The following ARHGEF18 variants were observed in gnomAD, a reference collection of about 807,000 sequenced individuals.
ARHGEF18 encodes the protein rho guanine nucleotide exchange factor 18.
Under a neutral mutation model 155.7 loss-of-function variants are expected in ARHGEF18, and 93 were observed. The ratio of observed to expected loss-of-function variants is 0.60; its 90% confidence interval spans 0.50 to 0.71. The LOEUF is 0.71. Ranked by LOEUF, ARHGEF18 falls within the 30% of genes least tolerant of loss-of-function variation. The pLI, the probability that ARHGEF18 is intolerant of heterozygous loss-of-function variation, is 0.00. For missense variants in ARHGEF18, 1,593 were observed against 1,816.1 expected (o/e 0.88, Z 2.23); for synonymous variants, 742 against 753.1 (o/e 0.99, Z 0.24).
At chr19:7,362,170 A>AAGG (rs1491352636) in intron 1 of ARHGEF18, among the ~76,000 whole-genome samples, 2 of 36,588 alleles carry the variant, frequency 5.5e-5, no homozygotes, top group East Asian at 1.2e-3. Context: ...GAAGAAGGAG[A>AAGG]AGAAGGAGAA....
intron 10 of ARHGEF18, among the ~76,000 whole-genome samples, chr19:7,394,012 C>T (rs942479474): frequency 3.6e-5 from 4 of 110,432 alleles, no homozygotes; most frequent in African/African-American, 2.6e-4. Flanking sequence ...GTCTATGCTG[C>T]CTCTTTTTTT....
intron 7 of ARHGEF18, 81 bp from the exon 8 acceptor site, chr19:7,380,836 T>C: frequency 1.3e-5 from 12 of 897,310 alleles, no homozygotes; most frequent in Non-Finnish European, 1.6e-5. Flanking sequence ...ACCTGGTGTA[T>C]GCCTGTACTC....
chr19:7,458,712 C>G (rs369442224), intron 19 of ARHGEF18, 22 bp downstream of exon 19: 418 of 1,595,440 alleles, frequency 2.6e-4, no homozygotes, highest in Non-Finnish European at 3.5e-4. Flanking sequence ...CTGGGGGTCT[C>G]CCCACCCACT....
At chr19:7,349,482 GA>G (rs1362729903) in intron 1 of ARHGEF18, among the ~76,000 whole-genome samples, 1 of 151,992 alleles carries the variant, frequency 6.6e-6, no homozygotes. Flanking sequence ...TGCTAGGTAA[GA>G]AAGGAGGGTG....
chr19:7,442,112 CCCTTCCTCCCTCCCTTCCTTCCTTCCTT>C, intron 13 of ARHGEF18, 60 bp downstream of exon 13: 2 of 1,566,016 alleles, frequency 1.3e-6, no homozygotes, highest in South Asian at 1.1e-5. Flanking sequence ...TCTGCTCCCT[CCCTTCCTCCCTCCCTTCCTTCCTTCCTT>C]CCTTCCTTCC....
intron 10 of ARHGEF18, among the ~76,000 whole-genome samples, chr19:7,435,093 T>G (rs1386222755): frequency 2.0e-5 from 3 of 151,922 alleles, no homozygotes; most frequent in African/African-American, 7.3e-5. Context: ...TCCCAGCTAC[T>G]CGGGAGGCTG....
intron 2 of ARHGEF18, among the ~76,000 whole-genome samples, chr19:7,369,489 GA>G (rs1176800113): frequency 6.6e-6 from 1 of 150,482 alleles, no homozygotes; most frequent in African/African-American, 2.4e-5. Context: ...AAAAAGGAAA[GA>G]AAGAAAGGAA....
intron 19 of ARHGEF18, among the ~76,000 whole-genome samples, chr19:7,459,305 CAAACT>C (rs2145871629): frequency 6.6e-6 from 1 of 152,306 alleles, no homozygotes; most frequent in East Asian, 1.9e-4. Context: ...TATTGCAACC[CAAACT>C]CCTGGGCTCA....
intron 23 of ARHGEF18, 144 bp from the exon 24 acceptor site, chr19:7,466,774 A>T: frequency 5.9e-6 from 5 of 846,048 alleles, no homozygotes; most frequent in Non-Finnish European, 8.8e-6. Context: ...ACTGCACTCC[A>T]GCTTGGGCAA....
intron 10 of ARHGEF18, among the ~76,000 whole-genome samples, chr19:7,390,162 T>C (rs1163286788): frequency 3.3e-5 from 5 of 152,096 alleles, no homozygotes; most frequent in African/African-American, 7.2e-5. Context: ...GCCACTGCCC[T>C]CTAGCCTGTG....
Position 7,376,739 on chromosome 19 carries a change from C to T in ARHGEF18, c.523C>T (p.Pro175Ser), listed in dbSNP as rs79305500. The part of the protein sequence containing the change: ...SPEISPGLEV[P>S]TPPVQGLEPP... ...GGAAATCTCTCCGGGTTTGGAAGTGCCCACTCCACCTGTTCAAGGTAGCCA... is the reference window on the plus strand; with the variant it reads ...GGAAATCTCTCCGGGTTTGGAAGTGTCCACTCCACCTGTTCAAGGTAGCCA... Residue 175 changes from proline (P) to serine (S), a missense_variant, in exon 5 of 29, where the codon CCC becomes TCC. Physicochemically the swap from Pro to Ser is moderately conservative, Grantham distance 74 (BLOSUM62 -1). Transcript: ENST00000668164. 3,566 of 1,234,364 alleles carry T rather than the reference C, an allele frequency of 2.9e-3. 68 individuals are homozygous for T. In the African/African-American group the frequency reaches 0.045, roughly 16 times the overall value. The allele number at this position is 1,234,364 out of a possible 1,614,324, so 76.5% of individuals were successfully genotyped here.
Position 7,467,499 on chromosome 19 carries a change from C to T in ARHGEF18, c.3295C>T (p.Arg1099Cys), listed in dbSNP as rs897546291. 1.5e-5 allele frequency: 22 copies of T among 1,433,576 alleles called. No homozygotes were observed. The highest frequency in any genetic ancestry group is 2.0e-5 in the Non-Finnish European group (22 of 1,105,756). 88.8% of individuals were successfully genotyped at this position (1,433,576 alleles called of 1,614,324 possible). A position where few individuals can be genotyped will look rare whatever the true frequency, so the allele number is the denominator to read the frequency against. ...QEREGEARQL[R>C]ERLEQERAEL... ...GCGCGAGGGCGAGGCGCGGCAGCTA[C>T]GCGAGCGGCTGGAGCAGGAGCGGGC... The change falls in exon 26 of 29, where the codon CGC (arginine) becomes TGC (cysteine). Residue 1099 changes from arginine to cysteine, a missense_variant. Physicochemically the swap from Arg to Cys is radical, Grantham distance 180 (BLOSUM62 -3). Coordinates refer to ENST00000668164, the MANE Select transcript of ARHGEF18 (RefSeq NM_001367823.1).
rs1361809817 is a variant in ARHGEF18, at chr19:7,472,372, C to T, written c.*2074C>T. On this transcript the variant is annotated 3_prime_UTR_variant, in exon 29 of 29. Coordinates refer to ENST00000668164, the MANE Select transcript of ARHGEF18 (RefSeq NM_001367823.1). ...TCAGTTGTGGTCATGATCTTAGTCA[C>T]CTGCTAATTATTTTTACAATGATTA... The T allele has an allele frequency of 6.5e-6, 1 of 153,542 alleles. No homozygotes were observed. The highest frequency in any genetic ancestry group is 2.4e-5 in the African/African-American group (1 of 41,470). 9.5% of individuals were successfully genotyped at this position (153,542 alleles called of 1,614,324 possible). A position where few individuals can be genotyped will look rare whatever the true frequency, so the allele number is the denominator to read the frequency against.
chr19:7,398,897 C>T (rs1229667213), intron 10 of ARHGEF18, among the ~76,000 whole-genome samples: 1 of 152,144 alleles, frequency 6.6e-6, no homozygotes, highest in East Asian at 1.9e-4. Context: ...GGGCCAGGGC[C>T]GTGGTGACTG....
At chr19:7,469,688 A>G (rs1344731657) in intron 27 of ARHGEF18, among the ~76,000 whole-genome samples, 1 of 152,090 alleles carries the variant, frequency 6.6e-6, no homozygotes, top group Non-Finnish European at 1.5e-5. Context: ...TCCTCTCCAG[A>G]TGCCGGGTGA....
chr19:7,362,311 AGAAGAAG>A (rs1182434713), intron 1 of ARHGEF18, among the ~76,000 whole-genome samples: 2 of 148,126 alleles, frequency 1.4e-5, no homozygotes, highest in Admixed American at 6.6e-5. Context: ...AGAAGGAGGA[AGAAGAAG>A]GAAGAAGGTG....
At chr19:7,434,039 A>G (rs1974119213) in intron 10 of ARHGEF18, among the ~76,000 whole-genome samples, 1 of 59,518 alleles carries the variant, frequency 1.7e-5, no homozygotes, top group South Asian at 6.9e-4. Flanking sequence ...AAAAAAAAAG[A>G]AAAAAAAAGT....
At chr19:7,434,074 T>A (rs1246167371) in intron 10 of ARHGEF18, among the ~76,000 whole-genome samples, 2 of 149,760 alleles carry the variant, frequency 1.3e-5, no homozygotes, top group African/African-American at 4.9e-5. Flanking sequence ...CCCAGTAAAG[T>A]AATGCAGGTG....
intron 1 of ARHGEF18, among the ~76,000 whole-genome samples, chr19:7,350,760 T>TGG (rs1321920804): frequency 7.6e-6 from 1 of 132,310 alleles, no homozygotes; most frequent in Non-Finnish European, 1.6e-5. Context: ...TTGAGTTTTT[T>TGG]GGGGTGGGTG....
Sources: gnomAD v4.1 joint callset for allele counts (sites outside exome capture counted in the v4.1 genomes callset) on GRCh38, gnomAD v4.1.1 for gene constraint, MANE v1.5 for transcripts, NCBI Gene and HGNC (gene_info 2026-07-23, HGNC 2026-07-21) for gene names.